Variants in MOSPD1 observed in about 807,000 individuals in gnomAD.
The protein encoded by MOSPD1 is motile sperm domain containing 1.
MOSPD1 carries 5 observed loss-of-function variants against 16.7 expected under a neutral mutation model. That is an observed-to-expected ratio of 0.30 (90% CI 0.16 to 0.63). The LOEUF (loss-of-function observed/expected upper bound fraction) is 0.63. Ranked by LOEUF, MOSPD1 falls within the 30% of genes least tolerant of loss-of-function variation. MOSPD1 has a pLI of 0.82. For missense variants in MOSPD1, 104 were observed against 153.6 expected, an observed-to-expected ratio of 0.68 and a Z score of 1.71; for synonymous variants, 67 against 59.2, an observed-to-expected ratio of 1.13 and a Z score of -0.61.
intron 1 of MOSPD1, among the ~76,000 whole-genome samples, chrX:134,900,768 A>G (rs1311921903): frequency 4.6e-5 from 5 of 108,757 alleles, no homozygotes; most frequent in Non-Finnish European, 9.5e-5. Context: ...GGGTCTCCCT[A>G]TGTTGCCCTG....
intron 1 of MOSPD1, among the ~76,000 whole-genome samples, chrX:134,901,372 G>C (rs1387395090): frequency 9.2e-6 from 1 of 108,863 alleles, no homozygotes; most frequent in Non-Finnish European, 1.9e-5. Flanking sequence ...GAGTTGGCCG[G>C]GCGCGGTGGC....
chrX:134,906,420 G>A (rs1265376378), intron 1 of MOSPD1, among the ~76,000 whole-genome samples: 1 of 107,777 alleles, frequency 9.3e-6, no homozygotes, highest in Non-Finnish European at 1.9e-5. Flanking sequence ...TCCTGACCTC[G>A]TGATCCGCCC....
chrX:134,913,475 C>A (rs770622930), intron 1 of MOSPD1, among the ~76,000 whole-genome samples: 2 of 111,714 alleles, frequency 1.8e-5, no homozygotes, highest in East Asian at 5.6e-4. Context: ...CTTTATTGAC[C>A]TATTAGGGAA....
chrX:134,901,719 T>C (rs2082912280), intron 1 of MOSPD1, among the ~76,000 whole-genome samples: 1 of 111,096 alleles, frequency 9.0e-6, no homozygotes, highest in African/African-American at 3.3e-5. Flanking sequence ...CACTTAAGTG[T>C]TGAGGGGAGA....
chrX:134,913,459 A>C (rs2082983519), intron 1 of MOSPD1, among the ~76,000 whole-genome samples: 1 of 111,991 alleles, frequency 8.9e-6, no homozygotes, highest in African/African-American at 3.2e-5. Context: ...GAATAGTAGC[A>C]AATTACTTTA....
chrX:134,894,650 C>T (rs1332765076), intron 4 of MOSPD1, among the ~76,000 whole-genome samples: 1 of 111,789 alleles, frequency 8.9e-6, no homozygotes, highest in African/African-American at 3.3e-5. Context: ...TACCCATAAA[C>T]GGGACATGTT....
intron 1 of MOSPD1, among the ~76,000 whole-genome samples, chrX:134,908,306 G>A (rs962607687): frequency 9.0e-6 from 1 of 111,694 alleles, no homozygotes; most frequent in African/African-American, 3.3e-5. Flanking sequence ...CCACTCACCC[G>A]TCATAGCTGA....
intron 1 of MOSPD1, among the ~76,000 whole-genome samples, chrX:134,907,412 G>C (rs759689137): frequency 1.8e-5 from 2 of 111,881 alleles, no homozygotes; most frequent in African/African-American, 6.5e-5. Context: ...GAAAAATCAA[G>C]AGACAATTTC....
intron 1 of MOSPD1, among the ~76,000 whole-genome samples, chrX:134,913,000 A>T (rs2082980528): frequency 9.0e-6 from 1 of 110,583 alleles, no homozygotes; most frequent in African/African-American, 3.3e-5. Flanking sequence ...GCACTTTGGG[A>T]GGCCAAGGTG....
intron 1 of MOSPD1, among the ~76,000 whole-genome samples, chrX:134,907,534 A>G (rs1295269568): frequency 2.7e-5 from 3 of 112,275 alleles, no homozygotes; most frequent in African/African-American, 9.7e-5. Flanking sequence ...CTCTCTGGAC[A>G]GCAAAATTTT....
intron 4 of MOSPD1, among the ~76,000 whole-genome samples, chrX:134,892,505 G>A (rs1017652129): frequency 1.8e-5 from 2 of 112,204 alleles, no homozygotes; most frequent in Admixed American, 9.5e-5. Context: ...AAATCTACTC[G>A]ACAATTGTTC....
chrX:134,909,889 T>C (rs12010479), intron 1 of MOSPD1, among the ~76,000 whole-genome samples: 22,594 of 102,950 alleles, frequency 0.22, 1,795 homozygotes, highest in Non-Finnish European at 0.24. Flanking sequence ...TTGAGTAGTA[T>C]ACATTTTAAG....
intron 1 of MOSPD1, among the ~76,000 whole-genome samples, chrX:134,912,756 G>A (rs1282519017): frequency 9.4e-6 from 1 of 106,258 alleles, no homozygotes; most frequent in African/African-American, 3.5e-5. Context: ...TGGCTAACAC[G>A]GTGAAACCCC....
chrX:134,906,749 C>T (rs192080776), intron 1 of MOSPD1, among the ~76,000 whole-genome samples: 17 of 111,890 alleles, frequency 1.5e-4, no homozygotes, highest in African/African-American at 5.5e-4. Flanking sequence ...TATGAGGTTG[C>T]TTTCCAAAAG....
At chrX:134,898,867 T>C (rs1327192788) in intron 3 of MOSPD1, among the ~76,000 whole-genome samples, 1 of 111,898 alleles carries the variant, frequency 8.9e-6, no homozygotes, top group Admixed American at 9.6e-5. Context: ...AAAATGTTCA[T>C]GGAGATACTA....
intron 4 of MOSPD1, among the ~76,000 whole-genome samples, chrX:134,896,508 A>G (rs1400775409): frequency 8.9e-6 from 1 of 111,936 alleles, no homozygotes; most frequent in Non-Finnish European, 1.9e-5. Flanking sequence ...TAGCTTCATA[A>G]AGTATGGTGC....
Position 134,896,695 on chromosome X carries a change from A to C in MOSPD1, c.448+122T>G. 9 of 524,355 alleles carry C rather than the reference A, an allele frequency of 1.7e-5. No individual in the cohort carries two copies. The South Asian group carries it at 2.9e-4, about 17-fold the overall frequency. The allele number at this position is 524,355 out of a possible 1,213,427, so 43.2% of individuals were successfully genotyped here. ...CCTGATTCTCTAGGTGCAGTTTTGAAGTAGTTGACCATGTTTGAAGTGGTA... is the reference window on the plus strand; with the variant it reads ...CCTGATTCTCTAGGTGCAGTTTTGACGTAGTTGACCATGTTTGAAGTGGTA... On this transcript the variant is annotated intron_variant, in intron 4 of 5. Coordinates refer to ENST00000370783, the MANE Select transcript of MOSPD1 (RefSeq NM_019556.3).
chrX:134,903,779 G>A (rs1171233099), intron 1 of MOSPD1, among the ~76,000 whole-genome samples: 3 of 108,872 alleles, frequency 2.8e-5, no homozygotes, highest in Admixed American at 9.9e-5. Context: ...GGTGGCTCAC[G>A]CCTGTAATCC....
At chrX:134,891,716 C>T in intron 4 of MOSPD1, 76 bp from the exon 5 acceptor site, 2 of 960,229 alleles carry the variant, frequency 2.1e-6, no homozygotes, top group Non-Finnish European at 2.9e-6. Context: ...CACTGGCCAC[C>T]ACAGACCAGT....
Sources: gnomAD v4.1 joint callset for allele counts (sites outside exome capture counted in the v4.1 genomes callset) on GRCh38, gnomAD v4.1.1 for gene constraint, MANE v1.5 for transcripts, NCBI Gene and HGNC (gene_info 2026-07-23, HGNC 2026-07-21) for gene names.